Variants in AGBL1 observed in about 807,000 individuals in gnomAD.
The protein encoded by AGBL1 is AGBL carboxypeptidase 1.
AGBL1 carries 130 observed loss-of-function variants against 118.9 expected under a neutral mutation model. The observed-to-expected ratio is 1.09, with a 90% CI of 0.95 to 1.26. The LOEUF (loss-of-function observed/expected upper bound fraction) is 1.26. AGBL1 is among the 50% of genes most tolerant of loss of function. The pLI is 0.00. For synonymous variants in AGBL1, 555 were observed against 478.9 expected (o/e 1.16, Z -2.08); for missense variants, 1,584 against 1,298.1 (o/e 1.22, Z -3.38).
At chr15:86,263,957 G>A (rs1193589490) in intron 10 of AGBL1, among the ~76,000 whole-genome samples, 1 of 152,304 alleles carries the variant, frequency 6.6e-6, no homozygotes, top group Non-Finnish European at 1.5e-5. Flanking sequence ...TTGGGGTGCA[G>A]TGAGGCCCCC....
At chr15:86,519,453 T>A (rs915475167) in intron 18 of AGBL1, among the ~76,000 whole-genome samples, 2 of 152,188 alleles carry the variant, frequency 1.3e-5, no homozygotes, top group African/African-American at 4.8e-5. Context: ...CTTCAAATGC[T>A]TAAATCCCTG....
intron 22 of AGBL1, among the ~76,000 whole-genome samples, chr15:86,904,781 T>C (rs1353863217): frequency 6.6e-6 from 1 of 151,230 alleles, no homozygotes; most frequent in Non-Finnish European, 1.5e-5. Context: ...ATTTTAAAAA[T>C]AAATTAAAAA....
At chr15:86,994,879 T>G (rs2081366286) in intron 24 of AGBL1, among the ~76,000 whole-genome samples, 1 of 152,216 alleles carries the variant, frequency 6.6e-6, no homozygotes, top group Admixed American at 6.5e-5. Flanking sequence ...AAACAGATAC[T>G]GTGGGGTGAA....
intron 17 of AGBL1, among the ~76,000 whole-genome samples, chr15:86,350,754 G>A (rs746728085): frequency 1.1e-4 from 17 of 152,262 alleles, no homozygotes; most frequent in South Asian, 6.2e-4. Context: ...TGGAAAACAC[G>A]TCAGGATATT....
chr15:86,350,285 C>A (rs1021962735), intron 17 of AGBL1, among the ~76,000 whole-genome samples: 1 of 152,200 alleles, frequency 6.6e-6, no homozygotes, highest in African/African-American at 2.4e-5. Flanking sequence ...AAGAATCTCA[C>A]AAAGAGCTGC....
At chr15:86,650,944 C>T (rs1324035168) in intron 21 of AGBL1, among the ~76,000 whole-genome samples, 1 of 152,176 alleles carries the variant, frequency 6.6e-6, no homozygotes, top group Non-Finnish European at 1.5e-5. Context: ...AGCAGTGATT[C>T]TTAAAAATTC....
chr15:86,657,813 C>T (rs764364747), intron 21 of AGBL1, among the ~76,000 whole-genome samples: 1 of 151,198 alleles, frequency 6.6e-6, no homozygotes, highest in Non-Finnish European at 1.5e-5. Flanking sequence ...CTGGGGTAGA[C>T]CAGAACAGGG....
intron 22 of AGBL1, among the ~76,000 whole-genome samples, chr15:86,725,109 C>G (rs74913819): frequency 1.3e-5 from 2 of 152,258 alleles, no homozygotes; most frequent in Middle Eastern, 6.8e-3. Flanking sequence ...GGGCAGCCAG[C>G]AGAGCTAAAA....
At chr15:86,090,766 C>T (rs528561899) in intron 1 of AGBL1, among the ~76,000 whole-genome samples, 1 of 152,146 alleles carries the variant, frequency 6.6e-6, no homozygotes, top group African/African-American at 2.4e-5. Flanking sequence ...AAAGCTTTTC[C>T]CCCATGATCT....
At chr15:86,722,850 A>T (rs571681136) in intron 22 of AGBL1, among the ~76,000 whole-genome samples, 5 of 152,282 alleles carry the variant, frequency 3.3e-5, no homozygotes, top group Non-Finnish European at 7.3e-5. Flanking sequence ...GAAGGATATG[A>T]ACAGACACTT....
chr15:86,376,076 T>C (rs2081037931), intron 17 of AGBL1, among the ~76,000 whole-genome samples: 1 of 152,198 alleles, frequency 6.6e-6, no homozygotes, highest in African/African-American at 2.4e-5. Flanking sequence ...AGCAGAATTA[T>C]GCTAGAGAGG....
chr15:86,906,466 G>C (rs1334945532), intron 22 of AGBL1, among the ~76,000 whole-genome samples: 1 of 152,188 alleles, frequency 6.6e-6, no homozygotes, highest in African/African-American at 2.4e-5. Flanking sequence ...CACTTACTCT[G>C]TCATTTGTTA....
chr15:86,279,705 C>T lies in AGBL1; in HGVS notation c.2142C>T (p.Thr714=), dbSNP rs751729630. ...CTGGGAAGTGCTACTATACCCTCAC[C>T]TTTGCTGTCACCTTCCCACACAGTG... ...GASGKCYYTL[T]FAVTFPHSED... The change falls in exon 16 of 23, where the codon ACC becomes ACT. Residue 714 remains threonine, a synonymous_variant. Coordinates refer to ENST00000614907, the MANE Select transcript of AGBL1 (RefSeq NM_001386094.1). The T allele has an allele frequency of 2.6e-5, 42 of 1,613,468 alleles. No homozygotes were observed. In the Middle Eastern group the frequency reaches 6.6e-4, roughly 25 times the overall value.
chr15:86,528,105 C>A (rs1250141215), intron 19 of AGBL1, among the ~76,000 whole-genome samples: 3 of 152,154 alleles, frequency 2.0e-5, no homozygotes, highest in Non-Finnish European at 4.4e-5. Context: ...GGGGGAGGAG[C>A]CAAGATGGCC....
rs562750874 is a variant in AGBL1, at chr15:86,150,654, G to T, written c.263-3776G>T. ...ATAGCCTACCACCAAAAAAAGTCCA[G>T]GTCCAGATGGATTCACAGCCAAATT... On this transcript the variant is annotated intron_variant, in intron 3 of 22. Transcript: ENST00000614907. Among the ~76,000 whole-genome samples the T allele has an allele frequency of 3.3e-5, 5 of 152,254 alleles. No individual in the cohort carries two copies. The South Asian group carries it at 1.0e-3, about 32-fold the overall frequency.
At chr15:86,477,882 C>T (rs2082585535) in intron 18 of AGBL1, among the ~76,000 whole-genome samples, 1 of 152,136 alleles carries the variant, frequency 6.6e-6, no homozygotes. Flanking sequence ...AGCTTATCCA[C>T]CATGATCAAG....
intron 18 of AGBL1, among the ~76,000 whole-genome samples, chr15:86,510,319 G>T (rs1357784121): frequency 2.7e-5 from 4 of 147,628 alleles, no homozygotes; most frequent in African/African-American, 9.8e-5. Context: ...ACACATTTTG[G>T]CTTGATCAAC....
chr15:86,256,903 G>T lies in AGBL1; in HGVS notation c.786G>T (p.Gln262His), dbSNP rs4496106. Residue 262 changes from glutamine (Q) to histidine (H), a missense_variant, in exon 8 of 23, where the codon CAG becomes CAT. Gln to His is a conservative substitution (Grantham distance 24). Transcript: ENST00000614907. ...SMEPVISVVL[Q>H]ILRQCYPTSP... ...AGCCCGTCATCTCTGTGGTGCTTCA[G>T]ATCCTGAGGCAGTGCTACCCTACGA... The T allele has an allele frequency of 1.2e-6, 2 of 1,613,938 alleles. No homozygotes were observed. Among genetic ancestry groups the T allele is most frequent in the East Asian group, 4.5e-5 (2 of 44,870 alleles).
intron 5 of AGBL1, among the ~76,000 whole-genome samples, chr15:86,179,172 T>C (rs1031280447): frequency 2.6e-5 from 4 of 152,226 alleles, no homozygotes; most frequent in African/African-American, 9.6e-5. Context: ...TTCCTGGAAT[T>C]GTTTAAGTAA....
Sources: gnomAD v4.1 joint callset for allele counts (sites outside exome capture counted in the v4.1 genomes callset) on GRCh38, gnomAD v4.1.1 for gene constraint, MANE v1.5 for transcripts, NCBI Gene and HGNC (gene_info 2026-07-23, HGNC 2026-07-21) for gene names.